SORL1: variants seen among roughly 807,000 people sequenced by gnomAD.
SORL1 encodes the protein sortilin-related receptor.
Under a neutral mutation model 273.7 loss-of-function variants are expected in SORL1, and 127 were observed. The observed-to-expected ratio is 0.46, with a 90% confidence interval of 0.40 to 0.54. SORL1 has a LOEUF of 0.54. SORL1 is among the 20% of genes least tolerant of loss of function. SORL1 has a pLI of 0.00. For synonymous variants in SORL1, 1,031 were observed against 1,067.4 expected, an observed-to-expected ratio of 0.97 and a Z score of 0.66; for missense variants, 2,494 against 2,846.1, an observed-to-expected ratio of 0.88 and a Z score of 2.81.
In SORL1 at chr11:121,514,192, T is replaced by C. The variant is rs1422617469; in HGVS notation, c.1082T>C (p.Val361Ala). Residue 361 changes from valine to alanine, a missense_variant, in exon 8 of 48, where the codon GTG becomes GCG. By Grantham distance (64) the Val-to-Ala change is moderately conservative. Coordinates refer to ENST00000260197, the MANE Select transcript of SORL1 (RefSeq NM_003105.6). Reference protein sequence around the residue: ...IADASEDQVFVCVSHSNNRTN... With the variant: ...IADASEDQVFACVSHSNNRTN... ...GATGCCTCCGAGGACCAGGTGTTTG[T>C]GTGTGTCAGCCACAGTAACAACCGC... 2 of 1,614,054 alleles carry C rather than the reference T, an allele frequency of 1.2e-6. No individual in the cohort carries two copies. The highest frequency in any genetic ancestry group is 4.5e-5 in the East Asian group (2 of 44,904).
intron 5 of SORL1, among the ~76,000 whole-genome samples, chr11:121,490,656 G>A (rs1425422076): frequency 6.7e-6 from 1 of 149,104 alleles, no homozygotes; most frequent in Non-Finnish European, 1.5e-5. Context: ...CAAGAAAACT[G>A]CTTCAACCTG....
Position 121,608,143 on chromosome 11 carries a change from G to T in SORL1, c.5206G>T (p.Asp1736Tyr). Residue 1736 changes from aspartate to tyrosine, a missense_variant, in exon 38 of 48, where the codon GAT (aspartate) becomes TAT (tyrosine). By Grantham distance (160) the Asp-to-Tyr change is radical. This residue lies in a region of SORL1 where 1,609 missense variants were observed against 1,816.4 expected (regional missense o/e 0.89). Coordinates refer to ENST00000260197, the MANE Select transcript of SORL1 (RefSeq NM_003105.6). ...TAGTCGTGGAATAGGAAACTGGAGC[G>T]ATTCTAAATCCATTACCACCATAAA... ...VTSRGIGNWS[D>Y]SKSITTIKGK... 2 of 1,613,932 alleles carry T rather than the reference G, an allele frequency of 1.2e-6. No individual in the cohort carries two copies. The highest frequency in any genetic ancestry group is 1.7e-6 in the Non-Finnish European group (2 of 1,179,864).
chr11:121,586,477 C>T, intron 27 of SORL1, 148 bp downstream of exon 27: 1 of 674,614 alleles, frequency 1.5e-6, no homozygotes, highest in East Asian at 2.6e-5. Flanking sequence ...GCTAGGACTC[C>T]TGGAGGCTGA....
At chr11:121,599,603 T>C (rs1863355280) in intron 32 of SORL1, among the ~76,000 whole-genome samples, 1 of 152,226 alleles carries the variant, frequency 6.6e-6, no homozygotes, top group South Asian at 2.1e-4. Flanking sequence ...TCTCCTTGGT[T>C]AACATTTCCA....
In SORL1 at chr11:121,488,140, A is replaced by G; in HGVS notation, c.637A>G (p.Ser213Gly). 6.2e-7 allele frequency: 1 copy of G among 1,614,120 alleles called. No individual in the cohort carries two copies. ...PFRAADLLLH[S>G]KASNLLLGFD... ...TCGGGCAGCTGATCTCCTCCTACACAGTAAGGCCTCCAACCTTCTCTTGGG... is the reference window on the plus strand; with the variant it reads ...TCGGGCAGCTGATCTCCTCCTACACGGTAAGGCCTCCAACCTTCTCTTGGG... The change falls in exon 4 of 48, where the codon AGT becomes GGT. Residue 213 changes from serine (S) to glycine (G), a missense_variant. Physicochemically the swap from Ser to Gly is moderately conservative, Grantham distance 56. Around this residue, in one of 3 missense-constraint regions of SORL1, gnomAD observed 710 missense variants for 882.5 expected, o/e 0.80. Coordinates refer to ENST00000260197, the MANE Select transcript of SORL1 (RefSeq NM_003105.6).
At chr11:121,613,900 T>C (rs1283721337) in intron 40 of SORL1, among the ~76,000 whole-genome samples, 1 of 152,258 alleles carries the variant, frequency 6.6e-6, no homozygotes, top group Non-Finnish European at 1.5e-5. Context: ...TGCTAGGCAT[T>C]ATGCCAAGCA....
intron 12 of SORL1, among the ~76,000 whole-genome samples, chr11:121,536,504 G>A (rs1435421064): frequency 4.1e-5 from 6 of 147,158 alleles, no homozygotes; most frequent in Admixed American, 6.8e-5. Context: ...AGACTCAAGC[G>A]GTCCTCCCAT....
intron 20 of SORL1, among the ~76,000 whole-genome samples, chr11:121,559,288 A>G (rs1862637660): frequency 6.6e-6 from 1 of 152,236 alleles, no homozygotes; most frequent in African/African-American, 2.4e-5. Context: ...GGTTTGTGTC[A>G]TAAACTTGAA....
At chr11:121,489,992 T>C in intron 4 of SORL1, 51 bp from the exon 5 acceptor site, 1 of 1,341,844 alleles carries the variant, frequency 7.5e-7, no homozygotes, top group East Asian at 2.3e-5. Flanking sequence ...GGTGATGCCA[T>C]TCAGGTTGTA....
At chr11:121,520,114 A>G (rs142216434) in intron 8 of SORL1, among the ~76,000 whole-genome samples, 42 of 152,280 alleles carry the variant, frequency 2.8e-4, no homozygotes, top group African/African-American at 9.6e-4. Flanking sequence ...TTAGCTGGGC[A>G]TAGTGGCACA....
chr11:121,595,517 A>G lies in SORL1; in HGVS notation c.4370-106A>G. Reference sequence around the variant, plus strand: ...AACTCGCATTTGTCTTCAGGTTCCCATTGTAATTTCTAAAGCACCGTAATC... The same window carrying G: ...AACTCGCATTTGTCTTCAGGTTCCCGTTGTAATTTCTAAAGCACCGTAATC... On this transcript the variant is annotated intron_variant, in intron 31 of 47. Coordinates refer to ENST00000260197, the MANE Select transcript of SORL1 (RefSeq NM_003105.6). This position sits in a 1 kb window ranked among gnomAD's most constrained non-coding sequence, Gnocchi z 5.1. 9.7e-7 allele frequency: 1 copy of G among 1,029,928 alleles called. No homozygotes were observed. Among genetic ancestry groups the G allele is most frequent in the Non-Finnish European group, 1.4e-6 (1 of 696,058 alleles). 63.8% of individuals were successfully genotyped at this position (1,029,928 alleles called of 1,614,324 possible).
chr11:121,494,928 C>T (rs1289310773), intron 5 of SORL1, among the ~76,000 whole-genome samples: 2 of 152,144 alleles, frequency 1.3e-5, no homozygotes, highest in Admixed American at 6.5e-5. Flanking sequence ...AAGAAGAGAA[C>T]ATGCCACCAC....
chr11:121,548,076 T>C (rs1222116228), intron 14 of SORL1, among the ~76,000 whole-genome samples: 3 of 152,228 alleles, frequency 2.0e-5, no homozygotes, highest in African/African-American at 7.2e-5. Flanking sequence ...CCCTAGTAAA[T>C]AATACATTTT....
chr11:121,504,013 C>G (rs1272991931), intron 6 of SORL1, among the ~76,000 whole-genome samples: 1 of 152,200 alleles, frequency 6.6e-6, no homozygotes, highest in Non-Finnish European at 1.5e-5. Flanking sequence ...ATCATGCCTT[C>G]CAATGCATGG....
chr11:121,590,666 C>T (rs984268851), intron 30 of SORL1: 4 of 620,104 alleles, frequency 6.5e-6, no homozygotes, highest in Non-Finnish European at 1.1e-5. Flanking sequence ...GAACACAATG[C>T]TTTGCCTCAG....
At position 121,554,348 on chromosome 11, in the gene SORL1, A is replaced by G. The variant is rs1862547088; in HGVS notation, c.2439+239A>G. Among the ~76,000 whole-genome samples, 1 of 152,178 alleles carries G rather than the reference A, an allele frequency of 6.6e-6. No individual in the cohort carries two copies. The highest frequency in any genetic ancestry group is 1.5e-5 in the Non-Finnish European group (1 of 68,016). On this transcript the variant is annotated intron_variant, in intron 17 of 47. Coordinates refer to ENST00000260197, the MANE Select transcript of SORL1 (RefSeq NM_003105.6). The surrounding 1 kb of genome is among the most constrained non-coding windows in gnomAD (Gnocchi z 4.6). ...AAATCCACAGACCTGCTTGAAAGTG[A>G]GGTCTTGCTTTTCCTGCTGGGAAGG...
At chr11:121,620,505 C>A (rs1233041785) in intron 43 of SORL1, among the ~76,000 whole-genome samples, 1 of 152,210 alleles carries the variant, frequency 6.6e-6, no homozygotes, top group Non-Finnish European at 1.5e-5. Flanking sequence ...TCCCCTTCAT[C>A]CAGCGGTGGT....
Position 121,516,640 on chromosome 11 carries a change from A to G in SORL1, c.1211+2319A>G, listed in dbSNP as rs533549305. Among the ~76,000 whole-genome samples, 3 of 152,208 alleles carry G rather than the reference A, an allele frequency of 2.0e-5. No homozygotes were observed. The East Asian group carries it at 5.8e-4, about 29-fold the overall frequency. The stretch of plus-strand genomic sequence containing the variant: ...CCTGACATAGACTCATGGATTAATT[A>G]TTATTTAATGTGTTATAAACCATTC... On this transcript the variant is annotated intron_variant, in intron 8 of 47. Coordinates refer to ENST00000260197, the MANE Select transcript of SORL1 (RefSeq NM_003105.6).
At chr11:121,469,586 GT>G (rs1358737486) in intron 1 of SORL1, among the ~76,000 whole-genome samples, 1 of 152,210 alleles carries the variant, frequency 6.6e-6, no homozygotes, top group Non-Finnish European at 1.5e-5. Flanking sequence ...TGGAACAGAA[GT>G]TTGAAAAGCA....
Sources: gnomAD v4.1 joint callset for allele counts (sites outside exome capture counted in the v4.1 genomes callset) on GRCh38, gnomAD v4.1.1 for gene constraint, gnomAD v4.1.1 regional missense constraint, Gnocchi (gnomAD v3.1) non-coding constraint, MANE v1.5 for transcripts, NCBI Gene and HGNC (gene_info 2026-07-23, HGNC 2026-07-21) for gene names.